KLHL5: variants seen among roughly 807,000 people sequenced by gnomAD.
KLHL5 encodes kelch-like protein 5.
A neutral mutation model predicts 77.7 loss-of-function variants in KLHL5; 48 were observed. The ratio of observed to expected loss-of-function variants is 0.62; its 90% confidence interval spans 0.49 to 0.79. The LOEUF (loss-of-function observed/expected upper bound fraction) is 0.79, where lower values mean the gene tolerates loss of function less well. Among genes scored for constraint, KLHL5 ranks in the 30% least tolerant of loss-of-function variants. The pLI is 0.00. For missense variants in KLHL5, 723 were observed against 859.7 expected (o/e 0.84, Z 1.99); for synonymous variants, 260 against 297.0 (o/e 0.88, Z 1.28).
the KLHL5 span, among the ~76,000 whole-genome samples, chr4:39,142,824 C>A: frequency 0.47 from 70,931 of 150,188 alleles, 19,247 homozygotes; most frequent in Non-Finnish European, 0.6. Flanking sequence ...ATGGTGCATA[C>A]GACATAGTTC....
At chr4:39,045,372 T>C (rs1402921321) in intron 1 of KLHL5, among the ~76,000 whole-genome samples, 1 of 151,132 alleles carries the variant, frequency 6.6e-6, no homozygotes, top group Non-Finnish European at 1.5e-5. Flanking sequence ...CGCCCTGGAG[T>C]TGTGGAAAGT....
chr4:39,142,518 C>A, the KLHL5 span, among the ~76,000 whole-genome samples: 1 of 152,128 alleles, frequency 6.6e-6, no homozygotes, highest in African/African-American at 2.4e-5. Context: ...CCCAGCTGTT[C>A]CTTTTGAAAC....
At chr4:39,088,783 A>AGGGGGCATGATAACC (rs1720270971) in intron 5 of KLHL5, among the ~76,000 whole-genome samples, 5 of 152,122 alleles carry the variant, frequency 3.3e-5, no homozygotes, top group African/African-American at 9.7e-5. Context: ...CACCCAAAAG[A>AGGGGGCATGATAACC]GGGGGCATGA....
At chr4:39,069,757 C>T (rs1718299951) in intron 1 of KLHL5, among the ~76,000 whole-genome samples, 1 of 151,302 alleles carries the variant, frequency 6.6e-6, no homozygotes, top group South Asian at 2.1e-4. Context: ...TTGTAGCCTG[C>T]TTTTTTTTGC....
At chr4:39,070,725 A>G (rs1718394273) in intron 1 of KLHL5, among the ~76,000 whole-genome samples, 2 of 152,194 alleles carry the variant, frequency 1.3e-5, no homozygotes, top group South Asian at 4.1e-4. Flanking sequence ...ATATTCTGGC[A>G]CTATCCCAGG....
the KLHL5 span, among the ~76,000 whole-genome samples, chr4:39,141,185 C>A: frequency 6.6e-6 from 1 of 151,718 alleles, no homozygotes; most frequent in African/African-American, 2.4e-5. Flanking sequence ...GAAACAGGTT[C>A]AATTATGCTG....
intron 5 of KLHL5, among the ~76,000 whole-genome samples, chr4:39,090,232 A>AATTT (rs1390224696): frequency 6.6e-6 from 1 of 152,136 alleles, no homozygotes; most frequent in Non-Finnish European, 1.5e-5. Context: ...TTACCAAGAG[A>AATTT]ATTTATTTTT....
chr4:39,133,745 C>T, the KLHL5 span, among the ~76,000 whole-genome samples: 2 of 152,030 alleles, frequency 1.3e-5, no homozygotes, highest in Non-Finnish European at 2.9e-5. Context: ...AACTATAGCT[C>T]TATAGTCAGC....
rs1248932253 is a variant in KLHL5 at position 39,045,573 on chromosome 4, G to T, written c.-95+477G>T. On this transcript the variant is annotated intron_variant, in intron 1 of 11. Coordinates refer to the KLHL5 transcript ENST00000261425. ...TCTTTTAAATAATACCCTCGCCCCC[G>T]GAGTGTGGAGAATAAGACGGGGACT... 2.0e-5 allele frequency among the ~76,000 whole-genome samples: 3 copies of T among 151,960 alleles called. No individual in the cohort carries two copies. The South Asian group carries it at 6.2e-4, about 31-fold the overall frequency.
chr4:39,045,166 G>C, intron 1 of KLHL5: 1 of 984,056 alleles, frequency 1.0e-6, no homozygotes, highest in Non-Finnish European at 1.2e-6. Context: ...CCGCCCCCAC[G>C]CGACTCTCAC....
At chr4:39,073,348 T>G (rs1718671393) in intron 1 of KLHL5, among the ~76,000 whole-genome samples, 1 of 151,404 alleles carries the variant, frequency 6.6e-6, no homozygotes, top group Admixed American at 6.6e-5. Flanking sequence ...GAACTTAACA[T>G]TGATTAGCAT....
At chr4:39,072,169 A>T (rs1170320320) in intron 1 of KLHL5, among the ~76,000 whole-genome samples, 1 of 152,086 alleles carries the variant, frequency 6.6e-6, no homozygotes, top group Non-Finnish European at 1.5e-5. Context: ...AACCATCCAA[A>T]CAACATTATA....
At chr4:39,072,000 A>G (rs1399732223) in intron 1 of KLHL5, among the ~76,000 whole-genome samples, 1 of 152,208 alleles carries the variant, frequency 6.6e-6, no homozygotes, top group African/African-American at 2.4e-5. Context: ...TAGAAATCAG[A>G]GAGAAATATA....
intron 10 of KLHL5, 103 bp downstream of exon 10, chr4:39,115,433 G>A (rs762764233): frequency 1.0e-5 from 16 of 1,553,432 alleles, no homozygotes; most frequent in African/African-American, 1.4e-5. Flanking sequence ...GAAATATATG[G>A]CATAAATATG....
intron 10 of KLHL5, chr4:39,116,391 CT>C (rs1282217376): frequency 2.6e-5 from 4 of 152,038 alleles, no homozygotes; most frequent in Non-Finnish European, 1.5e-5. Context: ...AACCTGAGGT[CT>C]TGGGTAGGTA....
upstream of KLHL5, chr4:39,062,200 G>T: frequency 9.7e-7 from 1 of 1,029,054 alleles, no homozygotes; most frequent in East Asian, 6.3e-5. Context: ...AGCAATGAAA[G>T]AGTTAATATA....
intron 1 of KLHL5, among the ~76,000 whole-genome samples, chr4:39,057,026 C>T (rs1425679776): frequency 6.6e-6 from 1 of 152,060 alleles, no homozygotes. Flanking sequence ...TCACCATTGC[C>T]AAATTAATCT....
intron 4 of KLHL5, 92 bp downstream of exon 4, chr4:39,082,251 C>A: frequency 9.8e-7 from 1 of 1,017,722 alleles, no homozygotes; most frequent in South Asian, 1.8e-5. Flanking sequence ...TTTCCCATGG[C>A]TCTGCCACGT....
intron 5 of KLHL5, among the ~76,000 whole-genome samples, chr4:39,095,578 GA>G (rs941367565): frequency 6.6e-6 from 1 of 151,262 alleles, no homozygotes; most frequent in African/African-American, 2.4e-5. Flanking sequence ...TTTAGTAGCA[GA>G]AAAAAGTATG....
Sources: allele counts gnomAD v4.1 joint callset (sites outside exome capture counted in the v4.1 genomes callset), GRCh38; gene constraint gnomAD v4.1.1; transcripts MANE v1.5; gene names NCBI Gene and HGNC (gene_info 2026-07-23, HGNC 2026-07-21).